Variants in FAM107A observed in about 807,000 individuals in gnomAD.
FAM107A encodes family with sequence similarity 107 member A, also known as actin-associated protein FAM107A.
Under a neutral mutation model 13.7 loss-of-function variants are expected in FAM107A, and 19 were observed. The ratio of observed to expected loss-of-function variants is 1.38; its 90% CI spans 0.97 to 2.03. The LOEUF is 2.03. Among genes scored for constraint, FAM107A ranks in the 30% most tolerant of loss-of-function variants. The pLI is 0.00. For missense variants in FAM107A, 203 were observed against 184.4 expected (o/e 1.10, Z -0.58); for synonymous variants, 82 against 74.5 (o/e 1.10, Z -0.52).
At chr3:58,620,902 C>T (rs902109495) in intron 1 of FAM107A, among the ~76,000 whole-genome samples, 1 of 152,170 alleles carries the variant, frequency 6.6e-6, no homozygotes, top group Non-Finnish European at 1.5e-5. Flanking sequence ...GTCACTCTGC[C>T]TGTCTTCAAA....
At chr3:58,567,689 C>T (rs1559473359) in intron 2 of FAM107A, among the ~76,000 whole-genome samples, 1 of 152,164 alleles carries the variant, frequency 6.6e-6, no homozygotes, top group East Asian at 1.9e-4. Context: ...CTGGGTCAGG[C>T]TCTTTAAAAA....
rs146497929 is a variant in FAM107A at position 58,595,827 on chromosome 3, C to T, written c.-69-6558G>A. On this transcript the variant is annotated intron_variant, in intron 1 of 3. Coordinates refer to the FAM107A transcript ENST00000465970. ...CAGTGGCCAAGGCAGAGGGCTCTCT[C>T]CCTTCAATGGTTGGCATTTGGTGAG... 2.4e-3 allele frequency among the ~76,000 whole-genome samples: 368 copies of T among 152,344 alleles called. 1 individual carries two copies. Among genetic ancestry groups the T allele is most frequent in the African/African-American group, 8.2e-3 (343 of 41,580 alleles).
rs1442581876 is a variant in FAM107A at position 58,613,698 on chromosome 3, G to T, written c.-70+13718C>A. 1.3e-5 allele frequency among the ~76,000 whole-genome samples: 2 copies of T among 152,124 alleles called. No individual in the cohort carries two copies. Among genetic ancestry groups the T allele is most frequent in the East Asian group, 3.9e-4 (2 of 5,184 alleles). ...CCTGATATTCCCCTCCCTAGGATTG[G>T]GTACCCTAGGGCCATATCTCCCAGG... On this transcript the variant is annotated intron_variant, in intron 1 of 3. Coordinates refer to the FAM107A transcript ENST00000465970. The surrounding 1 kb of genome is among the most constrained non-coding windows in gnomAD (Gnocchi z 4.6).
upstream of FAM107A, among the ~76,000 whole-genome samples, chr3:58,581,614 CA>C (rs150155608): frequency 0.053 from 8,037 of 152,280 alleles, 252 homozygotes; most frequent in Middle Eastern, 0.082. Context: ...CCCCGCCTCT[CA>C]AACATGCTCT....
intron 1 of FAM107A, among the ~76,000 whole-genome samples, chr3:58,606,260 TA>T (rs1476977973): frequency 4.6e-5 from 7 of 152,176 alleles, no homozygotes; most frequent in African/African-American, 2.4e-5. Context: ...CATGCCTGGC[TA>T]ATTTTTGTAT....
chr3:58,621,942 A>G (rs1305639158), intron 1 of FAM107A, among the ~76,000 whole-genome samples: 1 of 152,232 alleles, frequency 6.6e-6, no homozygotes, highest in Non-Finnish European at 1.5e-5. Context: ...GGGCATGAGA[A>G]TATTAGCCCT....
At chr3:58,615,418 A>G (rs1486431558) in intron 1 of FAM107A, among the ~76,000 whole-genome samples, 2 of 152,178 alleles carry the variant, frequency 1.3e-5, no homozygotes, top group Non-Finnish European at 2.9e-5. Flanking sequence ...AAGTTTCAAT[A>G]TATAGTATTT....
chr3:58,568,640 A>G (rs2063648837), intron 2 of FAM107A, among the ~76,000 whole-genome samples: 1 of 152,190 alleles, frequency 6.6e-6, no homozygotes, highest in Non-Finnish European at 1.5e-5. Context: ...TTATAATACT[A>G]ATTGAAAACA....
chr3:58,599,996 C>T (rs961658767), intron 1 of FAM107A, among the ~76,000 whole-genome samples: 2 of 151,812 alleles, frequency 1.3e-5, no homozygotes, highest in Admixed American at 1.3e-4. Flanking sequence ...ATTAAATATG[C>T]GTGTTATTCT....
rs571099359 is a variant in FAM107A, at chr3:58,566,661, G to T, written c.362C>A (p.Ala121Asp). 33 of 1,613,902 alleles carry T rather than the reference G, an allele frequency of 2.0e-5. No homozygotes were observed. The African/African-American group carries it at 3.2e-4, about 16-fold the overall frequency. ...EKPPEKEEDH[A>D]PEFIKVRENL... ...TTCCCTGACTTTAATAAACTCGGGG[G>T]CGTGATCCTCTTCCTTCTCTGGTGG... is the stretch of plus-strand genomic sequence containing the variant. Residue 121 changes from alanine (A) to aspartate (D), a missense_variant, in exon 4 of 4, where the codon GCC becomes GAC. Coordinates refer to ENST00000360997, the MANE Select transcript of FAM107A (RefSeq NM_001076778.3).
At chr3:58,595,917 C>T (rs17059440) in intron 1 of FAM107A, among the ~76,000 whole-genome samples, 33,313 of 152,174 alleles carry the variant, frequency 0.22, 4,325 homozygotes, top group South Asian at 0.47. Context: ...TTTCCAAGGA[C>T]GATGCTGAAA....
At chr3:58,568,357 C>G (rs1238067093) in intron 2 of FAM107A, among the ~76,000 whole-genome samples, 1 of 151,756 alleles carries the variant, frequency 6.6e-6, no homozygotes, top group Non-Finnish European at 1.5e-5. Flanking sequence ...ATGGCATGAA[C>G]CTGGGAGGTG....
At chr3:58,602,310 G>A (rs1009566941) in intron 1 of FAM107A, among the ~76,000 whole-genome samples, 1 of 152,138 alleles carries the variant, frequency 6.6e-6, no homozygotes, top group Non-Finnish European at 1.5e-5. Context: ...AAAATATAAC[G>A]ATACTCAGTG....
chr3:58,626,112 A>G (rs936025787), intron 1 of FAM107A, among the ~76,000 whole-genome samples: 1 of 152,148 alleles, frequency 6.6e-6, no homozygotes, highest in Non-Finnish European at 1.5e-5. Flanking sequence ...CAGCCTGTCT[A>G]TGCCACTGGG....
chr3:58,602,863 T>C (rs1227422227), intron 1 of FAM107A, among the ~76,000 whole-genome samples: 1 of 152,132 alleles, frequency 6.6e-6, no homozygotes, highest in East Asian at 1.9e-4. Context: ...TTTGTGGGTA[T>C]AGATATGTGT....
At chr3:58,626,768 T>C (rs538789961) in intron 1 of FAM107A, among the ~76,000 whole-genome samples, 13 of 152,312 alleles carry the variant, frequency 8.5e-5, no homozygotes, top group Admixed American at 5.9e-4. Context: ...GAGTCTGTCC[T>C]AGAGATGGAG....
chr3:58,583,866 G>T (rs539940042), intron 1 of FAM107A, among the ~76,000 whole-genome samples: 1 of 151,936 alleles, frequency 6.6e-6, no homozygotes, highest in African/African-American at 2.4e-5. Flanking sequence ...CATTTTTCTA[G>T]AGACGAGATC....
intron 1 of FAM107A, chr3:58,626,971 C>A: frequency 4.6e-6 from 7 of 1,535,968 alleles, no homozygotes; most frequent in Non-Finnish European, 6.1e-6. Flanking sequence ...AGGTTCCTAC[C>A]TTCTTCCCCT....
At chr3:58,578,617 G>A (rs555352559), upstream of FAM107A, among the ~76,000 whole-genome samples, 2 of 152,254 alleles carry the variant, frequency 1.3e-5, no homozygotes, top group South Asian at 2.1e-4. Flanking sequence ...AGTAAAAAAT[G>A]TATGTAGATC....
Sources: gnomAD v4.1 joint callset for allele counts (sites outside exome capture counted in the v4.1 genomes callset) on GRCh38, gnomAD v4.1.1 for gene constraint, Gnocchi (gnomAD v3.1) non-coding constraint, MANE v1.5 for transcripts, NCBI Gene and HGNC (gene_info 2026-07-23, HGNC 2026-07-21) for gene names.